COL14A1: variants seen among roughly 807,000 people sequenced by gnomAD.
COL14A1 encodes collagen type XIV alpha 1 chain.
Under a neutral mutation model 230.3 loss-of-function variants are expected in COL14A1, and 136 were observed. That is an observed-to-expected ratio of 0.59 (90% CI 0.51 to 0.68). The LOEUF is 0.68. Ranked by LOEUF, COL14A1 falls within the 30% of genes least tolerant of loss-of-function variation. COL14A1 has a pLI of 0.00. For synonymous variants in COL14A1, 792 were observed against 784.1 expected (o/e 1.01, Z -0.17); for missense variants, 1,976 against 2,215.8 (o/e 0.89, Z 2.17).
chr8:120,330,506 C>T (rs1299151218), intron 40 of COL14A1, among the ~76,000 whole-genome samples: 1 of 152,100 alleles, frequency 6.6e-6, no homozygotes, highest in Non-Finnish European at 1.5e-5. Flanking sequence ...TGCAGGGGAA[C>T]CCCATTTATA....
At chr8:120,153,247 C>T (rs1815348772) in intron 2 of COL14A1, among the ~76,000 whole-genome samples, 1 of 152,160 alleles carries the variant, frequency 6.6e-6, no homozygotes, top group African/African-American at 2.4e-5. Context: ...GGCTGGAGTG[C>T]AGTGGTGCGA....
chr8:120,307,245 A>G (rs1247978261), intron 36 of COL14A1, among the ~76,000 whole-genome samples: 2 of 152,198 alleles, frequency 1.3e-5, no homozygotes, highest in African/African-American at 4.8e-5. Flanking sequence ...GGGGTCAGAA[A>G]AGGCTCTTAG....
At chr8:120,353,863 C>T (rs1441910017) in intron 45 of COL14A1, among the ~76,000 whole-genome samples, 2 of 151,706 alleles carry the variant, frequency 1.3e-5, no homozygotes, top group African/African-American at 4.9e-5. Flanking sequence ...ACTGGAGATA[C>T]CATTTGACCC....
chr8:120,338,463 A>G (rs1822160993), intron 42 of COL14A1, among the ~76,000 whole-genome samples: 1 of 152,164 alleles, frequency 6.6e-6, no homozygotes, highest in African/African-American at 2.4e-5. Context: ...GCAAGTGACA[A>G]GACCTCTTAG....
chr8:120,162,949 G>A (rs1815734369), intron 4 of COL14A1, among the ~76,000 whole-genome samples: 1 of 152,110 alleles, frequency 6.6e-6, no homozygotes, highest in Non-Finnish European at 1.5e-5. Context: ...TGCAAGTTTT[G>A]CAAAGACTGT....
At chr8:120,300,610 G>T (rs998182196) in intron 35 of COL14A1, 122 bp from the exon 36 acceptor site, 2 of 734,496 alleles carry the variant, frequency 2.7e-6, no homozygotes, top group African/African-American at 3.5e-5. Context: ...AATATTCTCT[G>T]CCTTTCTAAT....
At chr8:120,306,434 T>A (rs2130060700) in intron 36 of COL14A1, among the ~76,000 whole-genome samples, 1 of 152,336 alleles carries the variant, frequency 6.6e-6, no homozygotes, top group East Asian at 1.9e-4. Context: ...AAGGAAATTT[T>A]GTATTCTAAA....
intron 2 of COL14A1, among the ~76,000 whole-genome samples, chr8:120,151,688 T>C (rs933773747): frequency 1.4e-5 from 2 of 143,164 alleles, no homozygotes; most frequent in Non-Finnish European, 3.1e-5. Context: ...GGCAGAATAA[T>C]GTACCTGCAA....
chr8:120,313,901 T>C (rs765113924), intron 37 of COL14A1, 31 bp from the exon 38 acceptor site: 8 of 1,439,944 alleles, frequency 5.6e-6, no homozygotes, highest in Non-Finnish European at 7.7e-6. Flanking sequence ...CTAACTTACT[T>C]TTAGGATGAT....
intron 5 of COL14A1, among the ~76,000 whole-genome samples, chr8:120,175,178 T>G (rs577127271): frequency 6.6e-6 from 1 of 152,254 alleles, no homozygotes; most frequent in African/African-American, 2.4e-5. Flanking sequence ...TCCAATCTAC[T>G]GTACATGTTT....
intron 36 of COL14A1, among the ~76,000 whole-genome samples, chr8:120,307,074 A>G (rs1820877471): frequency 6.6e-6 from 1 of 152,240 alleles, no homozygotes. Flanking sequence ...TGAGGCTGCT[A>G]GACGACTTCA....
rs796846978 is a variant in COL14A1 at position 120,132,992 on chromosome 8, C to T, written c.-38+7652C>T. 8.1e-4 allele frequency among the ~76,000 whole-genome samples: 123 copies of T among 152,076 alleles called. 1 individual carries two copies. Among genetic ancestry groups the T allele is most frequent in the African/African-American group, 2.8e-3 (116 of 41,504 alleles). On this transcript the variant is annotated intron_variant, in intron 1 of 47. Transcript: ENST00000297848. ...CAGCACTTTGGGAGGCCGAGACGGG[C>T]GGATCACGAGGTCAGGAGATCGAGA...
chr8:120,160,985 T>G (rs1805520904), intron 3 of COL14A1, among the ~76,000 whole-genome samples: 1 of 152,206 alleles, frequency 6.6e-6, no homozygotes, highest in Non-Finnish European at 1.5e-5. Context: ...CAGGGTTTGT[T>G]TTTTGAGAAA....
At chr8:120,334,422 A>G (rs575195883) in intron 42 of COL14A1, among the ~76,000 whole-genome samples, 1 of 152,144 alleles carries the variant, frequency 6.6e-6, no homozygotes, top group Non-Finnish European at 1.5e-5. Flanking sequence ...TTCTTTTTAT[A>G]TCAACCTAGT....
At position 120,345,366 on chromosome 8, in the gene COL14A1, A is replaced by T. The variant is rs559220216; in HGVS notation, c.4889-9A>T. The T allele has an allele frequency of 2.3e-5, 36 of 1,565,258 alleles. No individual in the cohort carries two copies. In the South Asian group the frequency reaches 3.9e-4, roughly 17 times the overall value. ...TCACTGAATGCTGTCTTTATGCTTC[A>T]TACCTCAGGTCACATGGCCAGGTAC... On this transcript the variant is annotated splice_polypyrimidine_tract_variant and intron_variant, in intron 44 of 47. Transcript: ENST00000297848.
At chr8:120,145,793 T>G (rs1239545525) in intron 1 of COL14A1, among the ~76,000 whole-genome samples, 1 of 152,176 alleles carries the variant, frequency 6.6e-6, no homozygotes, top group East Asian at 1.9e-4. Context: ...CAAATAAAAG[T>G]AGGTAAATAA....
chr8:120,137,687 G>A (rs150939362), intron 1 of COL14A1, among the ~76,000 whole-genome samples: 11 of 151,736 alleles, frequency 7.2e-5, no homozygotes, highest in East Asian at 1.9e-4. Flanking sequence ...AAAAATTTCC[G>A]TTGTGATTTC....
chr8:120,337,278 C>A (rs1822110370), intron 42 of COL14A1, among the ~76,000 whole-genome samples: 1 of 151,698 alleles, frequency 6.6e-6, no homozygotes. Context: ...TGCTTGTAAT[C>A]CCAGCTACTC....
chr8:120,328,750 G>A (rs149645811), intron 40 of COL14A1, among the ~76,000 whole-genome samples: 11 of 152,280 alleles, frequency 7.2e-5, no homozygotes, highest in Non-Finnish European at 1.2e-4. Flanking sequence ...TTGGGAGAGG[G>A]GATAAATGTG....
Sources: gnomAD v4.1 joint callset for allele counts (sites outside exome capture counted in the v4.1 genomes callset) on GRCh38, gnomAD v4.1.1 for gene constraint, MANE v1.5 for transcripts, NCBI Gene and HGNC (gene_info 2026-07-23, HGNC 2026-07-21) for gene names.